ME1: variants seen among roughly 807,000 people sequenced by gnomAD.
The protein encoded by ME1 is NADP-dependent malic enzyme.
A neutral mutation model predicts 66.4 loss-of-function variants in ME1; 74 were observed. That is an observed-to-expected ratio of 1.11 (90% CI 0.92 to 1.35). ME1 has a LOEUF of 1.35. Among genes scored for constraint, ME1 ranks in the 40% most tolerant of loss-of-function variants. The probability of loss-of-function intolerance (pLI) is 0.00; values close to 1 mark genes in which losing one functional copy is unlikely to be tolerated. For missense variants in ME1, 750 were observed against 694.1 expected, an observed-to-expected ratio of 1.08 and a Z score of -0.90; for synonymous variants, 251 against 235.6, an observed-to-expected ratio of 1.07 and a Z score of -0.60.
rs747920225 is a variant in ME1, at chr6:83,315,353, AT to A, written c.660del (p.Glu220AspfsTer19). On this transcript the variant is annotated frameshift_variant, in exon 6 of 14. Transcript: ENST00000369705. LOFTEE classifies it high-confidence loss of function. Reference protein sequence around the residue: ...GLRQRRVRGSEYDDFLDEFME... With the variant: ...GLRQRRVRGSXYDDFLDEFME... ...ATGAATTCGTCCAAAAAATCATCAT[AT>A]TCAGAACCTCTTACTCTTCTCTGCC... 4.3e-6 allele frequency: 7 copies of A among 1,612,846 alleles called. No individual in the cohort carries two copies. Among genetic ancestry groups the A allele is most frequent in the South Asian group, 1.1e-5 (1 of 90,816 alleles).
intron 4 of ME1, among the ~76,000 whole-genome samples, chr6:83,351,353 A>ACAGAAAAGAAAG (rs1414192848): frequency 6.6e-6 from 1 of 152,200 alleles, no homozygotes; most frequent in Non-Finnish European, 1.5e-5. Flanking sequence ...AGATACCACA[A>ACAGAAAAGAAAG]AGTTGCTAGG....
intron 11 of ME1, among the ~76,000 whole-genome samples, chr6:83,225,906 T>C (rs1309253042): frequency 6.6e-6 from 1 of 151,062 alleles, no homozygotes; most frequent in Non-Finnish European, 1.5e-5. Flanking sequence ...AGAAATGTCA[T>C]TAAATAAATG....
At chr6:83,374,877 G>A (rs965655484) in intron 3 of ME1, among the ~76,000 whole-genome samples, 1 of 152,068 alleles carries the variant, frequency 6.6e-6, no homozygotes, top group African/African-American at 2.4e-5. Flanking sequence ...GCTTGTTTTT[G>A]TCAGGTTTGT....
chr6:83,429,895 C>A (rs965703339), intron 1 of ME1, among the ~76,000 whole-genome samples: 2 of 152,082 alleles, frequency 1.3e-5, no homozygotes, highest in Admixed American at 6.6e-5. Context: ...TTTCAGACTC[C>A]TGAATAAATA....
intron 1 of ME1, among the ~76,000 whole-genome samples, chr6:83,419,160 T>C (rs1562009272): frequency 6.6e-6 from 1 of 152,178 alleles, no homozygotes; most frequent in African/African-American, 2.4e-5. Context: ...CTTTCCTGAC[T>C]AGTTATTCCA....
At chr6:83,393,146 T>A in intron 3 of ME1, 1 of 1,353,900 alleles carries the variant, frequency 7.4e-7, no homozygotes, top group Non-Finnish European at 1.0e-6. Context: ...TGACCTGCCG[T>A]CTGGAAAAAC....
intron 6 of ME1, among the ~76,000 whole-genome samples, chr6:83,283,220 T>C (rs1583356156): frequency 2.2e-5 from 1 of 46,360 alleles, no homozygotes; most frequent in Non-Finnish European, 3.8e-5. Context: ...AGAGCAAGAC[T>C]CCGTCTCAAA....
chr6:83,249,277 C>T (rs1790679316), intron 7 of ME1, among the ~76,000 whole-genome samples: 1 of 151,636 alleles, frequency 6.6e-6, no homozygotes, highest in South Asian at 2.1e-4. Flanking sequence ...GAGTCTCACT[C>T]TGTTGCCCAG....
intron 6 of ME1, among the ~76,000 whole-genome samples, chr6:83,298,869 C>T (rs1170513): frequency 0.47 from 68,072 of 145,230 alleles, 16,723 homozygotes; most frequent in African/African-American, 0.65. Flanking sequence ...GAAGATCAGA[C>T]GGTTGGAGAT....
intron 6 of ME1, among the ~76,000 whole-genome samples, chr6:83,268,623 T>C (rs1767030092): frequency 6.6e-6 from 1 of 151,914 alleles, no homozygotes; most frequent in East Asian, 1.9e-4. Context: ...TGGAGTGCAA[T>C]GGTACAATCT....
chr6:83,251,143 C>T (rs1180195), intron 7 of ME1, among the ~76,000 whole-genome samples: 67,915 of 151,996 alleles, frequency 0.45, 16,210 homozygotes, highest in African/African-American at 0.63. Context: ...AAAATACCCA[C>T]GTTCTCTGCC....
chr6:83,299,005 T>C (rs1767661708), intron 6 of ME1, among the ~76,000 whole-genome samples: 2 of 144,684 alleles, frequency 1.4e-5, no homozygotes, highest in Admixed American at 1.4e-4. Context: ...ACTGTAGCCT[T>C]GTGTATAGTT....
At chr6:83,325,279 G>C in intron 5 of ME1, among the ~76,000 whole-genome samples, 1 of 152,140 alleles carries the variant, frequency 6.6e-6, no homozygotes, top group East Asian at 1.9e-4. Context: ...ACAAAAGCTG[G>C]AAGCATTCCC....
At chr6:83,388,834 G>A (rs1769563753) in intron 3 of ME1, among the ~76,000 whole-genome samples, 1 of 152,090 alleles carries the variant, frequency 6.6e-6, no homozygotes, top group African/African-American at 2.4e-5. Context: ...GTATAAGGAT[G>A]AGTGAATGAG....
rs548118336 is a variant in ME1, at chr6:83,404,093, A to G, written c.212+3675T>C. On this transcript the variant is annotated intron_variant, in intron 2 of 13. Transcript: ENST00000369705. ...AGGAATCGCCACACTGTCTTCCACAATGGTTGAACTAATTTACACTCCCAC... is the reference window on the plus strand; with the variant it reads ...AGGAATCGCCACACTGTCTTCCACAGTGGTTGAACTAATTTACACTCCCAC... Among the ~76,000 whole-genome samples the G allele has an allele frequency of 2.6e-5, 4 of 152,248 alleles. No individual in the cohort carries two copies. In the South Asian group the frequency reaches 8.3e-4, roughly 32 times the overall value.
chr6:83,421,017 G>C (rs1166501864), intron 1 of ME1, among the ~76,000 whole-genome samples: 1 of 152,068 alleles, frequency 6.6e-6, no homozygotes, highest in Non-Finnish European at 1.5e-5. Flanking sequence ...CCTGTATGCA[G>C]ACAGGGAGGG....
At position 83,211,983 on chromosome 6, in the gene ME1, G is replaced by A; in HGVS notation, c.1660C>T (p.Pro554Ser). The change falls in exon 14 of 14, where the codon CCT becomes TCT. Residue 554 changes from proline (P) to serine (S), a missense_variant. Physicochemically the swap from Pro to Ser is moderately conservative, Grantham distance 74 (BLOSUM62 -1). Coordinates refer to ENST00000369705, the MANE Select transcript of ME1 (RefSeq NM_002395.6). ...MYSTDYDQIL[P>S]DCYSWPEEVQ... Reference sequence around the variant, plus strand: ...TCTTCAGGCCAAGAATAACAATCAGGTAGAATCTGGTCATAATCAGTACTA... The same window carrying A: ...TCTTCAGGCCAAGAATAACAATCAGATAGAATCTGGTCATAATCAGTACTA... The A allele has an allele frequency of 3.7e-6, 6 of 1,610,442 alleles. No homozygotes were observed. The highest frequency in any genetic ancestry group is 5.1e-6 in the Non-Finnish European group (6 of 1,177,806).
Position 83,357,902 on chromosome 6 carries a change from C to CCTCTCTCTCTCTCT in ME1, c.363-5777_363-5764dup, listed in dbSNP as rs1051682306. Among the ~76,000 whole-genome samples the CCTCTCTCTCTCTCT allele has an allele frequency of 1.8e-3, 57 of 31,518 alleles. 2 individuals are homozygous for CCTCTCTCTCTCTCT. The highest frequency in any genetic ancestry group is 3.3e-3 in the African/African-American group (24 of 7,184). 20.7% of individuals were successfully genotyped at this position (31,518 alleles called of 152,430 possible). On this transcript the variant is annotated intron_variant, in intron 3 of 13. Transcript: ENST00000369705. ...TGTTAGTTAATACTTAATAAACTCC[C>CCTCTCTCTCTCTCT]CTCTCTCTCTCTCTCTCTCTCTCTC...
In ME1 at chr6:83,223,933, C is replaced by G; in HGVS notation, c.1276G>C (p.Gly426Arg). 6.2e-7 allele frequency: 1 copy of G among 1,613,108 alleles called. No homozygotes were observed. Among genetic ancestry groups the G allele is most frequent in the East Asian group, 2.2e-5 (1 of 44,808 alleles). ...CTGCCACTGGCAAAAATTGCACGTC[C>G]CTACAACAAAGACACATACAACTCA... The part of the protein sequence containing the change: ...SAEQCYKITK[G>R]RAIFASGSPF... The change falls in exon 12 of 14, where the codon GGA becomes CGA. Residue 426 changes from glycine (G) to arginine (R), a missense_variant and splice_region_variant. Gly to Arg is a moderately radical substitution (Grantham distance 125). Coordinates refer to ENST00000369705, the MANE Select transcript of ME1 (RefSeq NM_002395.6).
Sources: gnomAD v4.1 joint callset for allele counts (sites outside exome capture counted in the v4.1 genomes callset) on GRCh38, gnomAD v4.1.1 for gene constraint, MANE v1.5 for transcripts, NCBI Gene and HGNC (gene_info 2026-07-23, HGNC 2026-07-21) for gene names.